The following TRPM3 variants were observed in gnomAD, a reference collection of about 807,000 sequenced individuals.
TRPM3 encodes long transient receptor potential channel 3.
In TRPM3, 77 loss-of-function variants were observed where a neutral mutation model predicts 181.2. That is an observed-to-expected ratio of 0.42 (90% confidence interval 0.35 to 0.51). The LOEUF is 0.51. Among genes scored for constraint, TRPM3 ranks in the 20% least tolerant of loss-of-function variants. The pLI, the probability that TRPM3 is intolerant of heterozygous loss-of-function variation, is 0.01. For missense variants in TRPM3, 1,759 were observed against 2,196.7 expected (o/e 0.80, Z 3.98); for synonymous variants, 745 against 796.4 (o/e 0.94, Z 1.09).
At chr9:70,915,351 G>A (rs2096581321) in intron 1 of TRPM3, among the ~76,000 whole-genome samples, 1 of 151,828 alleles carries the variant, frequency 6.6e-6, no homozygotes, top group African/African-American at 2.4e-5. Context: ...AGGCTGGAGT[G>A]CACTGGCCCA....
upstream of TRPM3, among the ~76,000 whole-genome samples, chr9:71,122,075 T>C (rs1343628848): frequency 5.9e-5 from 9 of 152,254 alleles, no homozygotes; most frequent in Non-Finnish European, 8.8e-5. Flanking sequence ...CAGTTTAAAC[T>C]CATGGGCATT....
At chr9:70,784,344 A>C (rs929187653) in intron 6 of TRPM3, 65 bp from the exon 7 acceptor site, 1 of 1,468,162 alleles carries the variant, frequency 6.8e-7, no homozygotes, top group Non-Finnish European at 9.1e-7. Context: ...CAAACCAAAG[A>C]AACAAAAAGA....
chr9:70,905,425 G>C (rs2096449565), intron 1 of TRPM3, among the ~76,000 whole-genome samples: 2 of 152,114 alleles, frequency 1.3e-5, no homozygotes, highest in African/African-American at 4.8e-5. Context: ...ACATCTTACA[G>C]AAGATACCAA....
At chr9:70,744,838 C>T (rs563432120) in intron 8 of TRPM3, among the ~76,000 whole-genome samples, 145 of 152,198 alleles carry the variant, frequency 9.5e-4, no homozygotes, top group African/African-American at 3.4e-3. Context: ...CTTGATCATA[C>T]TTAATAATTA....
At position 70,751,904 on chromosome 9, in the gene TRPM3, T is replaced by C. The variant is rs532625516; in HGVS notation, c.1272+9697A>G. Among the ~76,000 whole-genome samples the C allele has an allele frequency of 4.6e-5, 7 of 152,152 alleles. No individual in the cohort carries two copies. The East Asian group carries it at 9.7e-4, about 21-fold the overall frequency. ...GGAGAAGAAAGTAGAGGAGCTTACA[T>C]TTATGACCTTTGATTTCCTTTAAGG... On this transcript the variant is annotated intron_variant, in intron 8 of 25. Coordinates refer to ENST00000677713, the MANE Select transcript of TRPM3 (RefSeq NM_001366145.2).
intron 8 of TRPM3, among the ~76,000 whole-genome samples, chr9:70,742,249 T>C (rs1296804374): frequency 6.6e-6 from 1 of 152,104 alleles, no homozygotes; most frequent in Non-Finnish European, 1.5e-5. Flanking sequence ...GTTATAATCA[T>C]GATTATTTAC....
intron 1 of TRPM3, among the ~76,000 whole-genome samples, chr9:71,188,108 GC>G (rs1343795833): frequency 6.6e-6 from 1 of 151,818 alleles, no homozygotes; most frequent in Non-Finnish European, 1.5e-5. Flanking sequence ...GGGCACAAGT[GC>G]AAGTCTGTCT....
intron 1 of TRPM3, among the ~76,000 whole-genome samples, chr9:71,177,365 C>T (rs1028771784): frequency 3.3e-5 from 5 of 152,096 alleles, no homozygotes; most frequent in African/African-American, 1.2e-4. Context: ...GCCCCCCTAC[C>T]CCTGGTCTAT....
chr9:71,117,785 C>G (rs552580871), intron 1 of TRPM3, among the ~76,000 whole-genome samples: 2 of 152,220 alleles, frequency 1.3e-5, no homozygotes, highest in Non-Finnish European at 2.9e-5. Flanking sequence ...ATCATTTGGT[C>G]TTCATTAACA....
At chr9:71,271,981 G>A (rs78067752) in intron 1 of TRPM3, among the ~76,000 whole-genome samples, 1,650 of 152,308 alleles carry the variant, frequency 0.011, 27 homozygotes, top group East Asian at 0.075. Context: ...CCACTTATCC[G>A]ATCCTTGTTG....
chr9:70,808,170 T>C (rs1035716558), intron 6 of TRPM3, among the ~76,000 whole-genome samples: 9 of 152,350 alleles, frequency 5.9e-5, no homozygotes, highest in Admixed American at 1.3e-4. Flanking sequence ...TCCTATGTTA[T>C]GCTAGGAACC....
chr9:70,672,251 G>T (rs2063112033), intron 9 of TRPM3, among the ~76,000 whole-genome samples: 1 of 152,062 alleles, frequency 6.6e-6, no homozygotes. Flanking sequence ...GATGGGCATG[G>T]ATCCAAGATG....
chr9:70,914,818 A>G (rs7046772), intron 1 of TRPM3, among the ~76,000 whole-genome samples: 2,402 of 152,288 alleles, frequency 0.016, 25 homozygotes, highest in South Asian at 0.03. Context: ...TGATCCAGAT[A>G]ATTTTTCCAG....
chr9:71,068,366 C>T (rs2062219395), intron 1 of TRPM3, among the ~76,000 whole-genome samples: 1 of 152,204 alleles, frequency 6.6e-6, no homozygotes, highest in African/African-American at 2.4e-5. Context: ...CTGCTTCCTG[C>T]TTTCTGGCAT....
chr9:71,233,922 C>G (rs1321207070), intron 1 of TRPM3, among the ~76,000 whole-genome samples: 1 of 152,154 alleles, frequency 6.6e-6, no homozygotes. Flanking sequence ...TGCTGAGGTC[C>G]CTTCCTTAAT....
At chr9:71,254,651 A>T (rs1231133290) in intron 1 of TRPM3, among the ~76,000 whole-genome samples, 1 of 152,230 alleles carries the variant, frequency 6.6e-6, no homozygotes, top group Admixed American at 6.5e-5. Flanking sequence ...AAATCACTTC[A>T]GTTTTATCCA....
chr9:71,370,470 C>G (rs1462659345), intron 1 of TRPM3, among the ~76,000 whole-genome samples: 1 of 150,000 alleles, frequency 6.7e-6, no homozygotes, highest in Non-Finnish European at 1.5e-5. Flanking sequence ...TTTTAGTGGT[C>G]TGGATAGAAA....
intron 1 of TRPM3, among the ~76,000 whole-genome samples, chr9:71,410,843 G>T (rs62545045): frequency 6.1e-4 from 93 of 152,122 alleles, no homozygotes; most frequent in Non-Finnish European, 1.1e-3. Flanking sequence ...GAACATTGAC[G>T]CAAAAATCCT....
intron 1 of TRPM3, among the ~76,000 whole-genome samples, chr9:71,397,320 G>GT (rs1046942208): frequency 6.6e-5 from 10 of 151,786 alleles, no homozygotes; most frequent in Non-Finnish European, 7.4e-5. Flanking sequence ...TGTAATATCT[G>GT]TTTTTTTTAA....
Sources: allele counts gnomAD v4.1 joint callset (sites outside exome capture counted in the v4.1 genomes callset), GRCh38; gene constraint gnomAD v4.1.1; transcripts MANE v1.5; gene names NCBI Gene and HGNC (gene_info 2026-07-23, HGNC 2026-07-21).